Variants in NBAS observed in about 807,000 individuals in gnomAD.
The protein encoded by NBAS is NAG/BC035112 fusion.
In NBAS, 219 loss-of-function variants were observed where a neutral mutation model predicts 302.5. The ratio of observed to expected loss-of-function variants is 0.72; its 90% confidence interval spans 0.65 to 0.81. The LOEUF is 0.81. Ranked by LOEUF, NBAS falls within the 30% of genes least tolerant of loss-of-function variation. The pLI is 0.00. For synonymous variants in NBAS, 1,118 were observed against 1,021.6 expected (o/e 1.09, Z -1.80); for missense variants, 2,932 against 2,841.6 (o/e 1.03, Z -0.72).
chr2:15,219,543 C>T (rs1241832264), intron 47 of NBAS, among the ~76,000 whole-genome samples: 11 of 135,184 alleles, frequency 8.1e-5, no homozygotes, highest in African/African-American at 1.1e-4. Context: ...AGCATGCTGC[C>T]TTCAAGCATC....
chr2:15,363,089 AAAAG>A (rs1220073372), intron 32 of NBAS, among the ~76,000 whole-genome samples: 6 of 152,200 alleles, frequency 3.9e-5, no homozygotes, highest in Non-Finnish European at 7.3e-5. Context: ...AGTCAGAAAA[AAAAG>A]AAAGAGCTGG....
At chr2:15,331,051 G>C (rs1180621953) in intron 35 of NBAS, among the ~76,000 whole-genome samples, 1 of 151,792 alleles carries the variant, frequency 6.6e-6, no homozygotes, top group Non-Finnish European at 1.5e-5. Context: ...GCAAATAATT[G>C]GTATTTTATT....
At chr2:15,498,896 T>C (rs1681172832) in intron 11 of NBAS, among the ~76,000 whole-genome samples, 1 of 151,696 alleles carries the variant, frequency 6.6e-6, no homozygotes. Flanking sequence ...TTAAACCTCT[T>C]TTCTTCATAA....
At chr2:14,989,391 C>T in the NBAS span, among the ~76,000 whole-genome samples, 1 of 151,512 alleles carries the variant, frequency 6.6e-6, no homozygotes, top group Non-Finnish European at 1.5e-5. Context: ...AACCCCATCT[C>T]TACTAGAAAT....
chr2:15,017,420 T>C, the NBAS span, among the ~76,000 whole-genome samples: 859 of 152,070 alleles, frequency 5.6e-3, 3 homozygotes, highest in Non-Finnish European at 9.3e-3. Flanking sequence ...TTCATCCAAC[T>C]GGAAGTTAAT....
the NBAS span, among the ~76,000 whole-genome samples, chr2:14,790,235 A>T: frequency 6.6e-6 from 1 of 152,208 alleles, no homozygotes; most frequent in Non-Finnish European, 1.5e-5. Context: ...TAGACAAATC[A>T]TTACTTTAAA....
At chr2:15,526,024 C>T (rs141084921) in intron 9 of NBAS, among the ~76,000 whole-genome samples, 17 of 151,940 alleles carry the variant, frequency 1.1e-4, no homozygotes, top group East Asian at 3.9e-4. Context: ...CCACCGTGAG[C>T]GAAAGGCTTA....
the NBAS span, among the ~76,000 whole-genome samples, chr2:14,824,284 G>A: frequency 3.9e-5 from 6 of 152,178 alleles, no homozygotes; most frequent in African/African-American, 1.2e-4. Context: ...CTTCAAGGAG[G>A]TTACAATTGA....
chr2:15,008,666 T>C, the NBAS span, among the ~76,000 whole-genome samples: 1 of 152,218 alleles, frequency 6.6e-6, no homozygotes, highest in African/African-American at 2.4e-5. Context: ...TCTATCATGA[T>C]AATTAAATGC....
intron 13 of NBAS, among the ~76,000 whole-genome samples, chr2:15,477,585 T>C (rs939211762): frequency 1.3e-5 from 2 of 152,160 alleles, no homozygotes; most frequent in African/African-American, 4.8e-5. Flanking sequence ...GCCTGAACCT[T>C]ATAACTATCA....
chr2:15,014,596 A>G, the NBAS span, among the ~76,000 whole-genome samples: 1 of 152,118 alleles, frequency 6.6e-6, no homozygotes, highest in Non-Finnish European at 1.5e-5. Flanking sequence ...ATAGAAACAC[A>G]TCATACGAAA....
At chr2:15,237,208 G>GA (rs1309176357) in intron 45 of NBAS, among the ~76,000 whole-genome samples, 1 of 151,928 alleles carries the variant, frequency 6.6e-6, no homozygotes, top group Non-Finnish European at 1.5e-5. Flanking sequence ...TCCAGTTATA[G>GA]AAAAAATTAT....
At chr2:15,514,455 A>G (rs1662292203) in intron 9 of NBAS, among the ~76,000 whole-genome samples, 1 of 152,210 alleles carries the variant, frequency 6.6e-6, no homozygotes, top group South Asian at 2.1e-4. Flanking sequence ...ACATACCTTT[A>G]AAAACTAGTA....
At chr2:15,202,603 G>A (rs1401134688) in intron 48 of NBAS, among the ~76,000 whole-genome samples, 1 of 152,006 alleles carries the variant, frequency 6.6e-6, no homozygotes, top group African/African-American at 2.4e-5. Context: ...GCAATGGCAC[G>A]ATCTTGGCTC....
chr2:15,513,915 G>T (rs966833544), intron 9 of NBAS, among the ~76,000 whole-genome samples: 16 of 152,026 alleles, frequency 1.1e-4, no homozygotes, highest in African/African-American at 3.6e-4. Flanking sequence ...GAGGACAGGA[G>T]TTCTGAGGTT....
the NBAS span, among the ~76,000 whole-genome samples, chr2:15,096,274 C>T: frequency 1.3e-5 from 2 of 152,178 alleles, no homozygotes; most frequent in Admixed American, 1.3e-4. Context: ...TGCAATATTG[C>T]TCCCCCATTT....
At chr2:14,872,634 A>G in the NBAS span, among the ~76,000 whole-genome samples, 1 of 152,130 alleles carries the variant, frequency 6.6e-6, no homozygotes, top group African/African-American at 2.4e-5. Flanking sequence ...CTTCGGGGTG[A>G]GTGTTACAGC....
intron 36 of NBAS, among the ~76,000 whole-genome samples, chr2:15,329,436 C>G (rs1572666293): frequency 6.6e-6 from 1 of 152,348 alleles, no homozygotes; most frequent in Non-Finnish European, 1.5e-5. Flanking sequence ...CTACCCACTT[C>G]TCTCACCGGG....
At chr2:15,276,181 T>C (rs2148056909) in intron 43 of NBAS, among the ~76,000 whole-genome samples, 1 of 152,330 alleles carries the variant, frequency 6.6e-6, no homozygotes, top group South Asian at 2.1e-4. Context: ...TTATCTGGCA[T>C]TTCACTAGTT....
Sources: allele counts gnomAD v4.1 joint callset (sites outside exome capture counted in the v4.1 genomes callset), GRCh38; gene constraint gnomAD v4.1.1; transcripts MANE v1.5; gene names NCBI Gene and HGNC (gene_info 2026-07-23, HGNC 2026-07-21).